Variants in RAPGEF2 observed in about 807,000 individuals in gnomAD.
RAPGEF2 encodes PDZ domain containing guanine nucleotide exchange factor (GEF) 1.
RAPGEF2 carries 54 observed loss-of-function variants against 186.7 expected under a neutral mutation model. That is an observed-to-expected ratio of 0.29 (90% CI 0.23 to 0.36). The LOEUF is 0.36. Ranked by LOEUF, RAPGEF2 falls within the 10% of genes least tolerant of loss-of-function variation. The probability of loss-of-function intolerance (pLI) is 1.00; values close to 1 mark genes in which losing one functional copy is unlikely to be tolerated. For synonymous variants in RAPGEF2, 712 were observed against 705.9 expected (o/e 1.01, Z -0.14); for missense variants, 1,532 against 2,045.0 (o/e 0.75, Z 4.84).
intron 4 of RAPGEF2, among the ~76,000 whole-genome samples, chr4:159,211,089 A>T (rs1366525239): frequency 6.6e-6 from 1 of 152,188 alleles, no homozygotes; most frequent in Non-Finnish European, 1.5e-5. Context: ...AAGGCTGTTA[A>T]TTCCTTTCTC....
At chr4:159,243,319 G>T (rs1175762857) in intron 6 of RAPGEF2, among the ~76,000 whole-genome samples, 1 of 151,340 alleles carries the variant, frequency 6.6e-6, no homozygotes, top group Non-Finnish European at 1.5e-5. Context: ...CTTTTTTGGG[G>T]TGTAAAAATA....
Position 159,279,986 on chromosome 4 carries a change from A to G in RAPGEF2, c.544-24356A>G, listed in dbSNP as rs141358476. Among the ~76,000 whole-genome samples, 744 of 152,150 alleles carry G rather than the reference A, an allele frequency of 4.9e-3. 12 individuals carry two copies. Among genetic ancestry groups the G allele is most frequent in the African/African-American group, 0.017 (704 of 41,522 alleles). On this transcript the variant is annotated intron_variant, in intron 7 of 29. Coordinates refer to ENST00000691494, the MANE Select transcript of RAPGEF2 (RefSeq NM_001394067.2). ...AGGTGTGAGCCACTGTGCCCGGCCT[A>G]TATGCACATTTTCTCTTGTTAATTT...
intron 4 of RAPGEF2, among the ~76,000 whole-genome samples, chr4:159,211,474 C>T (rs1750525378): frequency 6.6e-6 from 1 of 152,062 alleles, no homozygotes; most frequent in Non-Finnish European, 1.5e-5. Flanking sequence ...AGGGATTGCC[C>T]CTTTCTGTCA....
In RAPGEF2 at chr4:159,345,172, G is replaced by A; in HGVS notation, c.3345G>A (p.Lys1115=). The change falls in exon 24 of 30, where the codon AAG becomes AAA. Residue 1115 remains lysine (K), a synonymous_variant. Coordinates refer to ENST00000691494, the MANE Select transcript of RAPGEF2 (RefSeq NM_001394067.2). ...TTGCTCAGACAGGTGGTCATAAAAAGCGGGTACGTCGTAGTTCCTTTCTCA... is the reference window on the plus strand; with the variant it reads ...TTGCTCAGACAGGTGGTCATAAAAAACGGGTACGTCGTAGTTCCTTTCTCA... ...LDVAQTGGHK[K]RVRRSSFLNA... The A allele has an allele frequency of 6.2e-7, 1 of 1,614,170 alleles. No individual in the cohort carries two copies. Among genetic ancestry groups the A allele is most frequent in the Non-Finnish European group, 8.5e-7 (1 of 1,180,008 alleles).
intron 1 of RAPGEF2, among the ~76,000 whole-genome samples, chr4:159,141,603 T>C (rs1231328042): frequency 6.6e-6 from 1 of 151,834 alleles, no homozygotes; most frequent in African/African-American, 2.4e-5. Flanking sequence ...TATTTATATA[T>C]ATTTTTTAAC....
chr4:159,301,662 C>G (rs1762690224), intron 7 of RAPGEF2, among the ~76,000 whole-genome samples: 1 of 152,078 alleles, frequency 6.6e-6, no homozygotes. Context: ...TGAGACCAAC[C>G]TGGGCAACAT....
chr4:159,225,624 C>T (rs1273610554), intron 4 of RAPGEF2, among the ~76,000 whole-genome samples: 1 of 152,186 alleles, frequency 6.6e-6, no homozygotes, highest in Non-Finnish European at 1.5e-5. Flanking sequence ...GACTTGTTTG[C>T]CTCACATCCT....
intron 1 of RAPGEF2, among the ~76,000 whole-genome samples, chr4:159,133,195 A>G (rs1265758891): frequency 5.9e-5 from 9 of 152,160 alleles, no homozygotes. Flanking sequence ...GTGATTAACC[A>G]TTACAGAATA....
chr4:159,156,474 CT>C lies in RAPGEF2; in HGVS notation c.70-30159del, dbSNP rs920390995. On this transcript the variant is annotated intron_variant, in intron 1 of 29. Coordinates refer to ENST00000691494, the MANE Select transcript of RAPGEF2 (RefSeq NM_001394067.2). ...GTAATTTTTTTTTTAGCCTGAGGAA[CT>C]TTTTTTTTGCATTTAAAAAAAATTA... Among the ~76,000 whole-genome samples the C allele has an allele frequency of 3.3e-5, 5 of 150,296 alleles. No individual in the cohort carries two copies. The South Asian group carries it at 6.3e-4, about 19-fold the overall frequency.
chr4:159,295,110 C>T lies in RAPGEF2; in HGVS notation c.544-9232C>T, dbSNP rs576747341. Among the ~76,000 whole-genome samples the T allele has an allele frequency of 4.6e-5, 7 of 152,284 alleles. 1 individual carries two copies. In the South Asian group the frequency reaches 8.3e-4, roughly 18 times the overall value. On this transcript the variant is annotated intron_variant, in intron 7 of 29. Coordinates refer to ENST00000691494, the MANE Select transcript of RAPGEF2 (RefSeq NM_001394067.2). ...GCCCATTATACAATACAGGCCCCCT[C>T]GCCCCAAAGCTATCGCAGTAATTAT...
At chr4:159,152,063 T>G (rs1050569580) in intron 1 of RAPGEF2, among the ~76,000 whole-genome samples, 1 of 152,192 alleles carries the variant, frequency 6.6e-6, no homozygotes, top group African/African-American at 2.4e-5. Flanking sequence ...GGTTCACACC[T>G]ATAATTCTGG....
chr4:159,246,536 G>A (rs60658042), intron 7 of RAPGEF2, among the ~76,000 whole-genome samples: 40,968 of 151,932 alleles, frequency 0.27, 6,438 homozygotes, highest in African/African-American at 0.44. Flanking sequence ...TCTGAAGTCA[G>A]TATTTCTCCT....
intron 1 of RAPGEF2, among the ~76,000 whole-genome samples, chr4:159,126,385 C>G (rs1202170626): frequency 6.6e-6 from 1 of 152,084 alleles, no homozygotes; most frequent in African/African-American, 2.4e-5. Flanking sequence ...TCTTACCAAG[C>G]TGGGTGAAAT....
At chr4:159,306,251 C>G (rs915074604) in intron 8 of RAPGEF2, among the ~76,000 whole-genome samples, 1 of 151,990 alleles carries the variant, frequency 6.6e-6, no homozygotes. Context: ...TTAATTCTTT[C>G]AATCCATGAG....
chr4:159,158,357 C>A (rs1367027419), intron 1 of RAPGEF2, among the ~76,000 whole-genome samples: 1 of 152,076 alleles, frequency 6.6e-6, no homozygotes, highest in Non-Finnish European at 1.5e-5. Flanking sequence ...AAGACATATC[C>A]CTTTCCTTTG....
At chr4:159,275,388 C>G (rs1175819009) in intron 7 of RAPGEF2, among the ~76,000 whole-genome samples, 2 of 152,060 alleles carry the variant, frequency 1.3e-5, no homozygotes, top group East Asian at 3.9e-4. Context: ...AAGTTACATT[C>G]TTCTTTAATG....
chr4:159,181,943 A>G (rs992391067), intron 1 of RAPGEF2, among the ~76,000 whole-genome samples: 27 of 152,222 alleles, frequency 1.8e-4, no homozygotes, highest in African/African-American at 5.5e-4. Flanking sequence ...ATCTTTTATT[A>G]TAAATGTTTC....
chr4:159,131,530 T>TTTTG (rs1183084730), intron 1 of RAPGEF2, among the ~76,000 whole-genome samples: 1 of 149,002 alleles, frequency 6.7e-6, no homozygotes, highest in Non-Finnish European at 1.5e-5. Context: ...TTTTTTTTTT[T>TTTTG]TTTTTTTTTT....
At chr4:159,299,267 T>G (rs1762371228) in intron 7 of RAPGEF2, among the ~76,000 whole-genome samples, 1 of 152,174 alleles carries the variant, frequency 6.6e-6, no homozygotes, top group Non-Finnish European at 1.5e-5. Context: ...GTGCATTCTG[T>G]TATAACTGTT....
Sources: allele counts gnomAD v4.1 joint callset (sites outside exome capture counted in the v4.1 genomes callset), GRCh38; gene constraint gnomAD v4.1.1; transcripts MANE v1.5; gene names NCBI Gene and HGNC (gene_info 2026-07-23, HGNC 2026-07-21).